The following ACBD6 variants were observed in gnomAD, a reference collection of about 807,000 sequenced individuals.
The protein encoded by ACBD6 is acyl-CoA-binding domain-containing protein 6.
A neutral mutation model predicts 37.2 loss-of-function variants in ACBD6; 28 were observed. The observed-to-expected ratio is 0.75, with a 90% CI of 0.56 to 1.03. The LOEUF (loss-of-function observed/expected upper bound fraction) is 1.03. ACBD6 is among the 50% of genes least tolerant of loss of function. The pLI is 0.00. For missense variants in ACBD6, 340 were observed against 337.4 expected, an observed-to-expected ratio of 1.01 and a Z score of -0.06; for synonymous variants, 113 against 126.8, an observed-to-expected ratio of 0.89 and a Z score of 0.73.
intron 6 of ACBD6, among the ~76,000 whole-genome samples, chr1:180,376,697 T>C (rs1653449152): frequency 6.6e-6 from 1 of 152,156 alleles, no homozygotes; most frequent in Non-Finnish European, 1.5e-5. Context: ...ACTGGTTACC[T>C]GTAGGGAGTG....
intron 3 of ACBD6, among the ~76,000 whole-genome samples, chr1:180,455,340 G>A (rs910455056): frequency 1.3e-5 from 2 of 151,980 alleles, no homozygotes; most frequent in Non-Finnish European, 2.9e-5. Context: ...ATGGACACGG[G>A]GAGGGGAACA....
chr1:180,423,172 C>A (rs939099722), intron 4 of ACBD6, among the ~76,000 whole-genome samples: 2 of 152,112 alleles, frequency 1.3e-5, no homozygotes, highest in Admixed American at 1.3e-4. Flanking sequence ...CTACATAGTT[C>A]ATCTGCAAGT....
downstream of ACBD6, among the ~76,000 whole-genome samples, chr1:180,283,611 G>A (rs1051131672): frequency 6.6e-6 from 1 of 152,182 alleles, no homozygotes; most frequent in Non-Finnish European, 1.5e-5. Flanking sequence ...AGTGTCCCCA[G>A]AAGTAATTCC....
intron 3 of ACBD6, among the ~76,000 whole-genome samples, chr1:180,474,235 A>T (rs1488153944): frequency 6.6e-6 from 1 of 152,188 alleles, no homozygotes; most frequent in Non-Finnish European, 1.5e-5. Flanking sequence ...TAGCACAGAA[A>T]GCTATAAAGC....
At chr1:180,285,857 G>A (rs548105673), downstream of ACBD6, among the ~76,000 whole-genome samples, 1 of 151,494 alleles carries the variant, frequency 6.6e-6, no homozygotes, top group South Asian at 2.1e-4. Flanking sequence ...TTTTACGTTG[G>A]TTGTTACCCT....
chr1:180,346,693 A>C (rs1034050447), intron 6 of ACBD6, among the ~76,000 whole-genome samples: 1 of 152,194 alleles, frequency 6.6e-6, no homozygotes. Flanking sequence ...GTGAGAAAAC[A>C]AAAGTGTGTT....
At chr1:180,317,340 C>T (rs1650853343) in intron 6 of ACBD6, among the ~76,000 whole-genome samples, 1 of 152,024 alleles carries the variant, frequency 6.6e-6, no homozygotes, top group Non-Finnish European at 1.5e-5. Flanking sequence ...TTACCAGGGG[C>T]AGGGAGGAGG....
At chr1:180,355,936 C>T (rs933339908) in intron 6 of ACBD6, among the ~76,000 whole-genome samples, 3 of 151,674 alleles carry the variant, frequency 2.0e-5, no homozygotes, top group South Asian at 2.1e-4. Flanking sequence ...GGCGTGATCT[C>T]GGCTCACTAC....
intron 6 of ACBD6, among the ~76,000 whole-genome samples, chr1:180,354,047 T>G (rs571757560): frequency 6.6e-6 from 1 of 152,322 alleles, no homozygotes; most frequent in Non-Finnish European, 1.5e-5. Context: ...CCAAGACAGC[T>G]TTCCCTATCC....
intron 3 of ACBD6, among the ~76,000 whole-genome samples, chr1:180,462,869 G>A (rs950937796): frequency 2.6e-5 from 4 of 151,968 alleles, no homozygotes; most frequent in African/African-American, 9.7e-5. Context: ...TGAAATCATA[G>A]CAAACAGTCT....
At chr1:180,308,953 A>G (rs1241352406) in intron 7 of ACBD6, among the ~76,000 whole-genome samples, 1 of 152,238 alleles carries the variant, frequency 6.6e-6, no homozygotes, top group Non-Finnish European at 1.5e-5. Context: ...TCATATTCAT[A>G]GTACTAATAG....
At chr1:180,339,682 TA>T (rs1404769232) in intron 6 of ACBD6, among the ~76,000 whole-genome samples, 1 of 151,468 alleles carries the variant, frequency 6.6e-6, no homozygotes, top group African/African-American at 2.4e-5. Flanking sequence ...AAAGTATAAT[TA>T]AAAAAAGAAA....
chr1:180,487,902 C>T (rs2102081714), intron 3 of ACBD6, among the ~76,000 whole-genome samples: 1 of 152,300 alleles, frequency 6.6e-6, no homozygotes, highest in South Asian at 2.1e-4. Context: ...GAAATGTTTT[C>T]CAACTGATAG....
chr1:180,338,429 A>G (rs1651834497), intron 6 of ACBD6, among the ~76,000 whole-genome samples: 1 of 152,244 alleles, frequency 6.6e-6, no homozygotes, highest in African/African-American at 2.4e-5. Flanking sequence ...CAATGGGGAA[A>G]GGATTCCCTA....
Position 180,430,251 on chromosome 1 carries a change from C to A in ACBD6, c.396G>T (p.Lys132Asn), listed in dbSNP as rs760723613. 2 of 1,612,930 alleles carry A rather than the reference C, an allele frequency of 1.2e-6. No individual in the cohort carries two copies. The highest frequency in any genetic ancestry group is 2.2e-5 in the South Asian group (2 of 91,064). Residue 132 changes from lysine to asparagine, a missense_variant, in exon 4 of 8, where the codon AAG becomes AAT. Physicochemically the swap from Lys to Asn is moderately conservative, Grantham distance 94. Coordinates refer to ENST00000367595, the MANE Select transcript of ACBD6 (RefSeq NM_032360.4). ...DPGWNPQIPE[K>N]KGKEANTGFG... ...AACCTGTATTTGCTTCTTTTCCTTT[C>A]TTCTCTGGTATCTGTGGGAAGGAGA...
At chr1:180,386,952 C>G (rs1653868651) in intron 6 of ACBD6, among the ~76,000 whole-genome samples, 1 of 152,058 alleles carries the variant, frequency 6.6e-6, no homozygotes, top group African/African-American at 2.4e-5. Context: ...TTCCCAGGTT[C>G]TTGGTATGAT....
chr1:180,477,199 T>C (rs1355959262), intron 3 of ACBD6, among the ~76,000 whole-genome samples: 1 of 152,084 alleles, frequency 6.6e-6, no homozygotes, highest in Non-Finnish European at 1.5e-5. Context: ...AACTTATCAA[T>C]TGGTTACTTC....
In ACBD6 at chr1:180,397,608, A is replaced by G; in HGVS notation, c.574-3T>C. The G allele has an allele frequency of 6.2e-7, 1 of 1,608,982 alleles. No homozygotes were observed. Among genetic ancestry groups the G allele is most frequent in the Non-Finnish European group, 8.5e-7 (1 of 1,175,326 alleles). On this transcript the variant is annotated splice_polypyrimidine_tract_variant and splice_region_variant and intron_variant, in intron 5 of 7. Coordinates refer to ENST00000367595, the MANE Select transcript of ACBD6 (RefSeq NM_032360.4). ...GCCCAGTGAAGTAGAGCCCTACCCT[A>G]AAAACACAGAAGATAAATGAATTTG...
intron 6 of ACBD6, among the ~76,000 whole-genome samples, chr1:180,368,326 T>C (rs547131928): frequency 2.6e-5 from 4 of 152,296 alleles, no homozygotes; most frequent in Non-Finnish European, 5.9e-5. Flanking sequence ...ATTCTATAAG[T>C]TGTCTATTTA....
Sources: gnomAD v4.1 joint callset for allele counts (sites outside exome capture counted in the v4.1 genomes callset) on GRCh38, gnomAD v4.1.1 for gene constraint, MANE v1.5 for transcripts, NCBI Gene and HGNC (gene_info 2026-07-23, HGNC 2026-07-21) for gene names.